GCNT1: variants seen among roughly 807,000 people sequenced by gnomAD.
GCNT1 encodes glucosaminyl (N-acetyl) transferase 1.
In GCNT1, 16 loss-of-function variants were observed where a neutral mutation model predicts 26.2. The observed-to-expected ratio is 0.61, with a 90% confidence interval of 0.41 to 0.93. The LOEUF is 0.93. Ranked by LOEUF, GCNT1 falls within the 40% of genes least tolerant of loss-of-function variation. The probability of loss-of-function intolerance (pLI) is 0.00; values close to 1 mark genes in which losing one functional copy is unlikely to be tolerated. For missense variants in GCNT1, 477 were observed against 526.7 expected (o/e 0.91, Z 0.92); for synonymous variants, 183 against 190.8 (o/e 0.96, Z 0.34).
At chr9:76,430,509 G>C (rs948665026) in intron 1 of GCNT1, among the ~76,000 whole-genome samples, 1 of 151,836 alleles carries the variant, frequency 6.6e-6, no homozygotes. Flanking sequence ...AGCCTCCTCA[G>C]TAACTGGGAC....
intron 1 of GCNT1, among the ~76,000 whole-genome samples, chr9:76,459,848 T>C (rs1309110291): frequency 6.6e-6 from 1 of 152,140 alleles, no homozygotes; most frequent in Non-Finnish European, 1.5e-5. Flanking sequence ...CCTTTCCTGC[T>C]CCCTCGCTTT....
chr9:76,405,303 A>ACACG, the GCNT1 span, among the ~76,000 whole-genome samples: 1 of 151,792 alleles, frequency 6.6e-6, no homozygotes, highest in African/African-American at 2.4e-5. Context: ...ACACACACAC[A>ACACG]CACACACACA....
At chr9:76,474,695 T>G (rs1265205010) in intron 2 of GCNT1, among the ~76,000 whole-genome samples, 1 of 152,228 alleles carries the variant, frequency 6.6e-6, no homozygotes, top group African/African-American at 2.4e-5. Context: ...ATTTTTGTTT[T>G]TGGGAAATTA....
intron 2 of GCNT1, among the ~76,000 whole-genome samples, chr9:76,479,840 C>T (rs1188510541): frequency 6.6e-6 from 1 of 152,158 alleles, no homozygotes; most frequent in Non-Finnish European, 1.5e-5. Context: ...TTTTGCTGTG[C>T]AGAAGCTCTT....
At chr9:76,441,531 A>AGTC (rs1176642226), upstream of GCNT1, 10 of 152,232 alleles carry the variant, frequency 6.6e-5, no homozygotes, top group African/African-American at 2.4e-4. Flanking sequence ...ATGTACAAAA[A>AGTC]GTCCACATTA....
chr9:76,504,535 C>T lies in GCNT1; in HGVS notation c.*867C>T. 1 of 389,764 alleles carries T rather than the reference C, an allele frequency of 2.6e-6. No homozygotes were observed. The highest frequency in any genetic ancestry group is 3.8e-5 in the East Asian group (1 of 26,258). 24.1% of individuals were successfully genotyped at this position (389,764 alleles called of 1,614,324 possible). A position where few individuals can be genotyped will look rare whatever the true frequency, so the allele number is the denominator to read the frequency against. ...ATTATTGTCTCTGCTATCTGACTGCCAGTAATTAGTGCAGAAAACTAAGAC... is the reference window on the plus strand; with the variant it reads ...ATTATTGTCTCTGCTATCTGACTGCTAGTAATTAGTGCAGAAAACTAAGAC... On this transcript the variant is annotated 3_prime_UTR_variant, in exon 4 of 4. Coordinates refer to ENST00000376730, the MANE Select transcript of GCNT1 (RefSeq NM_001490.5).
At chr9:76,449,171 A>T (rs1008079497) in intron 1 of GCNT1, among the ~76,000 whole-genome samples, 28 of 152,090 alleles carry the variant, frequency 1.8e-4, no homozygotes, top group Admixed American at 1.8e-3. Flanking sequence ...TACCAAAAAC[A>T]AAATAAAATA....
intron 1 of GCNT1, among the ~76,000 whole-genome samples, chr9:76,444,362 A>C (rs1040419407): frequency 2.0e-5 from 3 of 152,122 alleles, no homozygotes; most frequent in Non-Finnish European, 4.4e-5. Flanking sequence ...GTAGAGAAAA[A>C]AGAAGAGATC....
intron 2 of GCNT1, among the ~76,000 whole-genome samples, chr9:76,479,086 C>T (rs954415747): frequency 6.6e-6 from 1 of 152,000 alleles, no homozygotes; most frequent in African/African-American, 2.4e-5. Flanking sequence ...CAATTCTCAC[C>T]TATGAGTGAG....
chr9:76,480,431 A>G (rs1191612510), intron 2 of GCNT1, among the ~76,000 whole-genome samples: 5 of 152,178 alleles, frequency 3.3e-5, no homozygotes, highest in Non-Finnish European at 7.3e-5. Context: ...CATTGAATCT[A>G]TAAATTACCT....
At chr9:76,458,334 C>T (rs1389809297), upstream of GCNT1, among the ~76,000 whole-genome samples, 3 of 151,966 alleles carry the variant, frequency 2.0e-5, no homozygotes, top group Non-Finnish European at 4.4e-5. Flanking sequence ...AGGCGCCCGC[C>T]ACCACGCCTG....
rs145807334 is a variant in GCNT1, at chr9:76,484,766, A to C, written c.-289-16150A>C. Among the ~76,000 whole-genome samples, 34 of 149,734 alleles carry C rather than the reference A, an allele frequency of 2.3e-4. No homozygotes were observed. The East Asian group carries it at 6.6e-3, about 29-fold the overall frequency. On this transcript the variant is annotated intron_variant, in intron 2 of 3. Coordinates refer to ENST00000376730, the MANE Select transcript of GCNT1 (RefSeq NM_001490.5). ...TATTACTATAGCCATGTATAAACTG[A>C]GCATAGCATACCATGATTGCTTTTT...
intron 2 of GCNT1, among the ~76,000 whole-genome samples, chr9:76,462,939 GTAGTTTTAAGTAGAATT>G (rs2131595976): frequency 6.6e-6 from 1 of 152,182 alleles, no homozygotes; most frequent in Admixed American, 6.5e-5. Flanking sequence ...GAATTCTACG[GTAGTTTTAAGTAGAATT>G]TAGTTTTAAG....
At chr9:76,436,955 T>G (rs13295871), upstream of GCNT1, among the ~76,000 whole-genome samples, 4,711 of 152,010 alleles carry the variant, frequency 0.031, 98 homozygotes, top group Non-Finnish European at 0.048. Context: ...CCAGGGCCTG[T>G]CGTGGGGTGT....
intron 2 of GCNT1, among the ~76,000 whole-genome samples, chr9:76,460,468 G>C (rs1225004752): frequency 6.6e-6 from 1 of 152,278 alleles, no homozygotes; most frequent in South Asian, 2.1e-4. Flanking sequence ...GTTCTGAAAG[G>C]CCGGTTTGTT....
the GCNT1 span, among the ~76,000 whole-genome samples, chr9:76,395,433 T>C: frequency 1.3e-5 from 2 of 152,166 alleles, no homozygotes; most frequent in Non-Finnish European, 2.9e-5. Flanking sequence ...ATTAAATTTA[T>C]GTTCTAGGCC....
At chr9:76,401,893 TCAAACAAA>T in the GCNT1 span, among the ~76,000 whole-genome samples, 1 of 152,080 alleles carries the variant, frequency 6.6e-6, no homozygotes, top group Non-Finnish European at 1.5e-5. Flanking sequence ...AGACCCTGTC[TCAAACAAA>T]CAAACAAAAA....
chr9:76,415,769 C>T (rs1344134067), upstream of GCNT1, among the ~76,000 whole-genome samples: 1 of 152,210 alleles, frequency 6.6e-6, no homozygotes, highest in Non-Finnish European at 1.5e-5. Flanking sequence ...TTACACAATG[C>T]TTGGGCCCCC....
At chr9:76,404,248 T>C in the GCNT1 span, among the ~76,000 whole-genome samples, 9 of 152,342 alleles carry the variant, frequency 5.9e-5, no homozygotes, top group Non-Finnish European at 8.8e-5. Flanking sequence ...TTTCTCACAA[T>C]GATGATATAA....
Sources: allele counts gnomAD v4.1 joint callset (sites outside exome capture counted in the v4.1 genomes callset), GRCh38; gene constraint gnomAD v4.1.1; transcripts MANE v1.5; gene names NCBI Gene and HGNC (gene_info 2026-07-23, HGNC 2026-07-21).